SPON1: variants seen among roughly 807,000 people sequenced by gnomAD.
SPON1 encodes the protein spondin-1.
In SPON1, 52 loss-of-function variants were observed where a neutral mutation model predicts 111.7. That is an observed-to-expected ratio of 0.47 (90% CI 0.37 to 0.59). The LOEUF is 0.59. Ranked by LOEUF, SPON1 falls within the 20% of genes least tolerant of loss-of-function variation. The pLI is 0.00. For synonymous variants in SPON1, 410 were observed against 395.8 expected, an observed-to-expected ratio of 1.04 and a Z score of -0.43; for missense variants, 957 against 1,068.5, an observed-to-expected ratio of 0.90 and a Z score of 1.46.
chr11:13,993,769 G>A (rs1554911469), intron 2 of SPON1, among the ~76,000 whole-genome samples: 1 of 152,234 alleles, frequency 6.6e-6, no homozygotes, highest in East Asian at 1.9e-4. Flanking sequence ...ATCCCTGGCA[G>A]CAACTATGAA....
chr11:14,133,788 G>A lies in SPON1; in HGVS notation c.677-1632G>A, dbSNP rs78640298. Among the ~76,000 whole-genome samples, 546 of 152,322 alleles carry A rather than the reference G, an allele frequency of 3.6e-3. 3 individuals are homozygous for A. Among genetic ancestry groups the A allele is most frequent in the African/African-American group, 0.013 (526 of 41,562 alleles). ...CAGCATCTCTATCTGTCTACTCTAG[G>A]GATATGAGAGATGAAGGATAAACAT... On this transcript the variant is annotated intron_variant, in intron 5 of 15. Coordinates refer to ENST00000576479, the MANE Select transcript of SPON1 (RefSeq NM_006108.4).
intron 5 of SPON1, among the ~76,000 whole-genome samples, chr11:14,090,927 T>C (rs975125803): frequency 6.8e-6 from 1 of 146,290 alleles, no homozygotes; most frequent in Non-Finnish European, 1.5e-5. Context: ...CTGAGCTAGA[T>C]ACAAAGGTTC....
intron 4 of SPON1, 109 bp from the exon 5 acceptor site, chr11:14,079,790 C>A: frequency 8.4e-7 from 1 of 1,192,234 alleles, no homozygotes. Flanking sequence ...CTAATGAAAG[C>A]TGCATCTTCT....
At chr11:14,169,342 TG>T (rs1338261468) in intron 6 of SPON1, among the ~76,000 whole-genome samples, 1 of 152,096 alleles carries the variant, frequency 6.6e-6, no homozygotes, top group Non-Finnish European at 1.5e-5. Context: ...CACTTTTTGA[TG>T]GGGTTTTTTT....
chr11:14,032,214 T>C (rs150373162), intron 2 of SPON1, among the ~76,000 whole-genome samples: 2 of 152,342 alleles, frequency 1.3e-5, no homozygotes, highest in African/African-American at 4.8e-5. Context: ...TAGAATTACA[T>C]TTTTATATGT....
At position 14,266,732 on chromosome 11, in the gene SPON1, G is replaced by C. The variant is rs371651622; in HGVS notation, c.*1045G>C. The C allele has an allele frequency of 8.5e-5, 13 of 152,102 alleles. No homozygotes were observed. Among genetic ancestry groups the C allele is most frequent in the Admixed American group, 3.9e-4 (6 of 15,258 alleles). The allele number at this position is 152,102 out of a possible 1,614,324, so 9.4% of individuals were successfully genotyped here. A position where few individuals can be genotyped will look rare whatever the true frequency, so the allele number is the denominator to read the frequency against. On this transcript the variant is annotated 3_prime_UTR_variant, in exon 16 of 16. Transcript: ENST00000576479. ...TTTTAGTCATGAAATTTTATATGCA[G>C]AGAGAAAAAGTTACCGAGACAGAAA...
intron 3 of SPON1, among the ~76,000 whole-genome samples, chr11:14,049,824 G>A (rs782535543): frequency 6.6e-6 from 1 of 152,126 alleles, no homozygotes; most frequent in Admixed American, 6.5e-5. Flanking sequence ...GTCTTTTTGT[G>A]TACATATTAA....
At position 14,191,693 on chromosome 11, in the gene SPON1, C is replaced by T. The variant is rs188780930; in HGVS notation, c.826-51639C>T. 6.1e-3 allele frequency among the ~76,000 whole-genome samples: 933 copies of T among 152,244 alleles called. 5 individuals carry two copies. Among genetic ancestry groups the T allele is most frequent in the Non-Finnish European group, 9.0e-3 (612 of 68,020 alleles). ...TGTGATTTAAAAGTTAAGAAAACAG[C>T]CTGTGCATATTTTTAGAACAGCCCA... On this transcript the variant is annotated intron_variant, in intron 6 of 15. Coordinates refer to ENST00000576479, the MANE Select transcript of SPON1 (RefSeq NM_006108.4).
At chr11:14,198,066 T>C (rs1848422254) in intron 6 of SPON1, among the ~76,000 whole-genome samples, 1 of 152,218 alleles carries the variant, frequency 6.6e-6, no homozygotes, top group Non-Finnish European at 1.5e-5. Context: ...AATTGTGTAA[T>C]TAACTACCCA....
At chr11:14,178,045 A>ACACACAC (rs1848197407) in intron 6 of SPON1, among the ~76,000 whole-genome samples, 2 of 142,606 alleles carry the variant, frequency 1.4e-5, no homozygotes, top group African/African-American at 2.5e-5. Flanking sequence ...CACACACACA[A>ACACACAC]ACACACACAC....
intron 5 of SPON1, among the ~76,000 whole-genome samples, chr11:14,116,120 TC>T (rs1849265157): frequency 6.6e-6 from 1 of 152,202 alleles, no homozygotes; most frequent in African/African-American, 2.4e-5. Context: ...TTGTAGTAAT[TC>T]TTTATATAGT....
chr11:14,127,103 A>G (rs1847468701), intron 5 of SPON1, among the ~76,000 whole-genome samples: 1 of 152,130 alleles, frequency 6.6e-6, no homozygotes, highest in Admixed American at 6.5e-5. Flanking sequence ...TTTACTAGCT[A>G]ATATTTATTG....
intron 5 of SPON1, 145 bp downstream of exon 5, chr11:14,080,166 A>G: frequency 2.3e-6 from 2 of 861,082 alleles, no homozygotes; most frequent in Non-Finnish European, 3.6e-6. Flanking sequence ...TATGTATATT[A>G]ATCAAGACAG....
chr11:14,036,814 A>G (rs1275551744), intron 2 of SPON1, among the ~76,000 whole-genome samples: 2 of 151,978 alleles, frequency 1.3e-5, no homozygotes, highest in African/African-American at 4.8e-5. Flanking sequence ...GGATGGGGGA[A>G]GTTGGGGGAG....
rs1554942440 is a variant in SPON1 at position 14,265,782 on chromosome 11, T to C, written c.*95T>C. The C allele has an allele frequency of 7.2e-7, 1 of 1,386,766 alleles. No individual in the cohort carries two copies. The highest frequency in any genetic ancestry group is 9.8e-7 in the Non-Finnish European group (1 of 1,022,514). The allele number at this position is 1,386,766 out of a possible 1,614,324, so 85.9% of individuals were successfully genotyped here. On this transcript the variant is annotated 3_prime_UTR_variant, in exon 16 of 16. Transcript: ENST00000576479. ...TTAAGACAATTTAAATTGTGTACGCTAGTTTTCATTTTTGCAGTGTGGTTC... is the reference window on the plus strand; with the variant it reads ...TTAAGACAATTTAAATTGTGTACGCCAGTTTTCATTTTTGCAGTGTGGTTC...
intron 6 of SPON1, among the ~76,000 whole-genome samples, chr11:14,225,340 C>T (rs556822135): frequency 1.3e-4 from 20 of 151,890 alleles, no homozygotes; most frequent in Admixed American, 2.6e-4. Flanking sequence ...ATTTTGTATA[C>T]GGAAAAATTT....
At chr11:14,225,124 G>C (rs1353836185) in intron 6 of SPON1, among the ~76,000 whole-genome samples, 3 of 152,100 alleles carry the variant, frequency 2.0e-5, no homozygotes, top group African/African-American at 7.2e-5. Context: ...GCTGCATGGA[G>C]GAATATAGAA....
Position 14,135,774 on chromosome 11 carries a change from A to G in SPON1, c.825+206A>G, listed in dbSNP as rs1554928013. Among the ~76,000 whole-genome samples, 1 of 152,186 alleles carries G rather than the reference A, an allele frequency of 6.6e-6. No individual in the cohort carries two copies. Among genetic ancestry groups the G allele is most frequent in the Non-Finnish European group, 1.5e-5 (1 of 68,034 alleles). ...TCTCAGATTGTCCCTGACTGCATTC[A>G]TGTTTTCTTCAGCCTGTGCTAAATG... On this transcript the variant is annotated intron_variant, in intron 6 of 15. Transcript: ENST00000576479. This position sits in a 1 kb window ranked among gnomAD's most constrained non-coding sequence, Gnocchi z 4.4.
At chr11:14,247,191 C>T (rs781941207) in intron 7 of SPON1, among the ~76,000 whole-genome samples, 1 of 152,166 alleles carries the variant, frequency 6.6e-6, no homozygotes, top group African/African-American at 2.4e-5. Flanking sequence ...GAGGCTCACT[C>T]GAGCCCAGGA....
Sources: allele counts gnomAD v4.1 joint callset (sites outside exome capture counted in the v4.1 genomes callset), GRCh38; gene constraint gnomAD v4.1.1; non-coding constraint Gnocchi (gnomAD v3.1); transcripts MANE v1.5; gene names NCBI Gene and HGNC (gene_info 2026-07-23, HGNC 2026-07-21).